Variants in ZNF586 observed in about 807,000 individuals in gnomAD.
ZNF586 encodes zinc finger protein 586.
A neutral mutation model predicts 6.7 loss-of-function variants in ZNF586; 7 were observed. That is an observed-to-expected ratio of 1.04 (90% CI 0.59 to 1.95). The LOEUF (loss-of-function observed/expected upper bound fraction) is 1.95, where lower values mean the gene tolerates loss of function less well. Among genes scored for constraint, ZNF586 ranks in the 30% most tolerant of loss-of-function variants. The pLI, the probability that ZNF586 is intolerant of heterozygous loss-of-function variation, is 0.00. For missense variants in ZNF586, 442 were observed against 489.6 expected (o/e 0.90, Z 0.92); for synonymous variants, 166 against 168.7 (o/e 0.98, Z 0.12).
intron 2 of ZNF586, among the ~76,000 whole-genome samples, chr19:57,777,082 A>C (rs7246705): frequency 1.2e-3 from 189 of 152,188 alleles, no homozygotes; most frequent in African/African-American, 4.4e-3. Flanking sequence ...GCAATACCCT[A>C]CTTCAAAATT....
chr19:57,769,903 T>TTTGCCCCCC, intron 1 of ZNF586, 25 bp downstream of exon 1: 1 of 1,475,876 alleles, frequency 6.8e-7, no homozygotes, highest in Non-Finnish European at 9.1e-7. Flanking sequence ...CTCCGGGCCT[T>TTTGCCCCCC]ACCCACCCTA....
chr19:57,778,949 C>CT lies in ZNF586; in HGVS notation c.364dup (p.Tyr122LeufsTer2). On this transcript the variant is annotated frameshift_variant, in exon 3 of 3. Coordinates refer to ENST00000396154, the MANE Select transcript of ZNF586 (RefSeq NM_017652.4). LOFTEE classifies it low-confidence loss of function (END_TRUNC). ...AGGAATGTTCGCACTGGAGAAAGGC[C>CT]TTATGAGTGCAGCAAATATGGGAAA... 1.2e-6 allele frequency: 2 copies of CT among 1,614,158 alleles called. No individual in the cohort carries two copies. The highest frequency in any genetic ancestry group is 1.7e-6 in the Non-Finnish European group (2 of 1,180,036).
chr19:57,778,881 G>A lies in ZNF586; in HGVS notation c.294G>A (p.Lys98=), dbSNP rs781380255. 18 of 1,613,902 alleles carry A rather than the reference G, an allele frequency of 1.1e-5. No homozygotes were observed. In the East Asian group the frequency reaches 4.0e-4, roughly 36 times the overall value. Residue 98 remains lysine, a synonymous_variant, in exon 3 of 3, where the codon AAG becomes AAA. Coordinates refer to ENST00000396154, the MANE Select transcript of ZNF586 (RefSeq NM_017652.4). The stretch of plus-strand genomic sequence containing the variant: ...GTGGGGAATATAGGAAATTATTTAA[G>A]AACAAGTCCTGCCTCACTGAACCCA... ...YECGEYRKLF[K]NKSCLTEPRR... is the part of the protein sequence containing the mutation.
chr19:57,776,681 A>G lies in ZNF586; in HGVS notation c.163+12A>G. The G allele has an allele frequency of 6.3e-7, 1 of 1,590,586 alleles. No homozygotes were observed. The highest frequency in any genetic ancestry group is 8.6e-7 in the Non-Finnish European group (1 of 1,168,916). On this transcript the variant is annotated intron_variant, in intron 2 of 2. Transcript: ENST00000396154. ...TATATCCTCCCTGGGTAAGGTACTC[A>G]TATTCACCTGTGACCTGAGTTAGTC... is the stretch of plus-strand genomic sequence containing the variant.
chr19:57,775,278 G>A (rs1987206931), intron 1 of ZNF586, among the ~76,000 whole-genome samples: 1 of 152,030 alleles, frequency 6.6e-6, no homozygotes, highest in South Asian at 2.1e-4. Context: ...TATAGGCGTG[G>A]GCGTGAGCCA....
At chr19:57,776,363 G>A (rs1245769642) in intron 1 of ZNF586, among the ~76,000 whole-genome samples, 180 bp from the exon 2 acceptor site, 5 of 152,274 alleles carry the variant, frequency 3.3e-5, no homozygotes, top group Non-Finnish European at 5.9e-5. Context: ...TGTTGCTGAC[G>A]GCTATGTGTC....
chr19:57,776,703 A>G (rs967192388), intron 2 of ZNF586, 34 bp downstream of exon 2: 2 of 1,564,870 alleles, frequency 1.3e-6, no homozygotes. Context: ...GACCTGAGTT[A>G]GTCTGTGCCC....
rs1161801529 is a variant in ZNF586 at position 57,778,967 on chromosome 19, A to G, written c.380A>G (p.Tyr127Cys). 5 of 1,611,774 alleles carry G rather than the reference A, an allele frequency of 3.1e-6. No individual in the cohort carries two copies. Among genetic ancestry groups the G allele is most frequent in the Non-Finnish European group, 4.2e-6 (5 of 1,179,248 alleles). Reference protein sequence around the residue: ...TGERPYECSKYGKLFHQKPTL... With the variant: ...TGERPYECSKCGKLFHQKPTL... ...GAAAGGCCTTATGAGTGCAGCAAAT[A>G]TGGGAAATTATTTCACCAAAAGCCT... The change falls in exon 3 of 3, where the codon TAT (tyrosine) becomes TGT (cysteine). Residue 127 changes from tyrosine to cysteine, a missense_variant. By Grantham distance (194) the Tyr-to-Cys change is radical (BLOSUM62 -2). Coordinates refer to ENST00000396154, the MANE Select transcript of ZNF586 (RefSeq NM_017652.4).
In ZNF586 at chr19:57,779,444, G is replaced by T. The variant is rs1176223869; in HGVS notation, c.857G>T (p.Arg286Ile). Residue 286 changes from arginine to isoleucine, a missense_variant, in exon 3 of 3, where the codon AGA becomes ATA. Transcript: ENST00000396154. ...TTGCAGCATCAGAGAGTTCACACTA[G>T]AGAAAGGCCTTATGAATGTAGTGAA... The part of the protein sequence containing the change: ...SLLQHQRVHT[R>I]ERPYECSECG... The T allele has an allele frequency of 6.2e-7, 1 of 1,614,024 alleles. No homozygotes were observed. The highest frequency in any genetic ancestry group is 1.3e-5 in the African/African-American group (1 of 74,896).
intron 1 of ZNF586, among the ~76,000 whole-genome samples, chr19:57,772,021 C>T (rs995352676): frequency 1.3e-5 from 2 of 152,110 alleles, no homozygotes; most frequent in South Asian, 2.1e-4. Context: ...GACTAGGTTT[C>T]GCCATATTAT....
At chr19:57,778,080 T>C (rs1176018205) in intron 2 of ZNF586, among the ~76,000 whole-genome samples, 2 of 150,204 alleles carry the variant, frequency 1.3e-5, no homozygotes, top group African/African-American at 4.9e-5. Context: ...AATCTTTTTT[T>C]TTTTTTTTTC....
chr19:57,771,597 C>T (rs773626201), intron 1 of ZNF586, among the ~76,000 whole-genome samples: 3 of 152,104 alleles, frequency 2.0e-5, no homozygotes, highest in South Asian at 2.1e-4. Flanking sequence ...GGAACTGATA[C>T]TGGGGTGTGC....
intron 1 of ZNF586, among the ~76,000 whole-genome samples, chr19:57,770,395 G>A (rs530068458): frequency 7.8e-4 from 118 of 152,238 alleles, no homozygotes; most frequent in Non-Finnish European, 1.1e-3. Context: ...AAAGTGCTGG[G>A]AATACAGGCG....
rs758726307 is a variant in ZNF586, at chr19:57,779,775, T to C, written c.1188T>C (p.Thr396=). Residue 396 remains threonine (T), a synonymous_variant, in exon 3 of 3, where the codon ACT becomes ACC. Transcript: ENST00000396154. The part of the protein sequence containing the change: ...SSFRRHQRVH[T]GMRPYK Reference sequence around the variant, plus strand: ...TCCGTCGCCATCAGAGAGTTCATACTGGAATGAGGCCTTATAAGTGAAGCA... The same window carrying C: ...TCCGTCGCCATCAGAGAGTTCATACCGGAATGAGGCCTTATAAGTGAAGCA... 9 of 1,598,718 alleles carry C rather than the reference T, an allele frequency of 5.6e-6. No individual in the cohort carries two copies. Among genetic ancestry groups the C allele is most frequent in the Admixed American group, 1.7e-5 (1 of 58,480 alleles).
In ZNF586 at chr19:57,769,753, T is replaced by G; in HGVS notation, c.-90T>G. 1 of 1,367,982 alleles carries G rather than the reference T, an allele frequency of 7.3e-7. No individual in the cohort carries two copies. The highest frequency in any genetic ancestry group is 1.4e-5 in the African/African-American group (1 of 69,936). The allele number at this position is 1,367,982 out of a possible 1,614,324, so 84.7% of individuals were successfully genotyped here. A position where few individuals can be genotyped will look rare whatever the true frequency, so the allele number is the denominator to read the frequency against. ...GTTGTGGCCATTGCACACAGGCGGA[T>G]CTGAGGTTCGGCGACGCCGCTGGTC... is the stretch of plus-strand genomic sequence containing the variant. On this transcript the variant is annotated 5_prime_UTR_variant, in exon 1 of 3. Coordinates refer to ENST00000396154, the MANE Select transcript of ZNF586 (RefSeq NM_017652.4).
chr19:57,769,883 G>C lies in ZNF586; in HGVS notation c.36+5G>C, dbSNP rs1324178404. 8.4e-6 allele frequency: 13 copies of C among 1,539,950 alleles called. No individual in the cohort carries two copies. The highest frequency in any genetic ancestry group is 1.1e-5 in the Non-Finnish European group (13 of 1,142,522). On this transcript the variant is annotated splice_donor_5th_base_variant and intron_variant, in intron 1 of 2. Coordinates refer to ENST00000396154, the MANE Select transcript of ZNF586 (RefSeq NM_017652.4). ...GCTCTGAGGGCGCCTGCTCAGGTGA[G>C]CGCTGCGACCTCCGGGCCTTACCCA...
In ZNF586 at chr19:57,778,993, A is replaced by G. The variant is rs756851794; in HGVS notation, c.406A>G (p.Thr136Ala). The G allele has an allele frequency of 6.2e-7, 1 of 1,614,124 alleles. No individual in the cohort carries two copies. The highest frequency in any genetic ancestry group is 1.1e-5 in the South Asian group (1 of 91,076). Residue 136 changes from threonine (T) to alanine (A), a missense_variant, in exon 3 of 3, where the codon ACA becomes GCA. Thr to Ala is a moderately conservative substitution (Grantham distance 58). Transcript: ENST00000396154. ...KYGKLFHQKP[T>A]LHIHERFHTG... ...TGGGAAATTATTTCACCAAAAGCCTACACTCCATATTCATGAGAGATTTCA... is the reference window on the plus strand; with the variant it reads ...TGGGAAATTATTTCACCAAAAGCCTGCACTCCATATTCATGAGAGATTTCA...
Position 57,776,531 on chromosome 19 carries a change from C to G in ZNF586, c.37-12C>G, listed in dbSNP as rs1267459201. On this transcript the variant is annotated splice_polypyrimidine_tract_variant and intron_variant, in intron 1 of 2. Coordinates refer to ENST00000396154, the MANE Select transcript of ZNF586 (RefSeq NM_017652.4). ...GGGCCATTTGTGGTTTCATCTATCCCCATCATAACAGAGCAGTGTGACCTT... is the reference window on the plus strand; with the variant it reads ...GGGCCATTTGTGGTTTCATCTATCCGCATCATAACAGAGCAGTGTGACCTT... The G allele has an allele frequency of 1.9e-6, 3 of 1,607,024 alleles. No individual in the cohort carries two copies. Among genetic ancestry groups the G allele is most frequent in the Non-Finnish European group, 2.5e-6 (3 of 1,177,108 alleles).
intron 1 of ZNF586, among the ~76,000 whole-genome samples, chr19:57,772,132 A>G (rs978204766): frequency 3.9e-5 from 6 of 152,168 alleles, no homozygotes; most frequent in East Asian, 3.9e-4. Context: ...TGGCAACTCA[A>G]TTTTTAAATG....
Sources: gnomAD v4.1 joint callset for allele counts (sites outside exome capture counted in the v4.1 genomes callset) on GRCh38, gnomAD v4.1.1 for gene constraint, MANE v1.5 for transcripts, NCBI Gene and HGNC (gene_info 2026-07-23, HGNC 2026-07-21) for gene names.